Variants in TENT5D observed in about 807,000 individuals in gnomAD.
TENT5D encodes the protein cancer/testis antigen 112.
For synonymous variants in TENT5D, 103 were observed against 100.6 expected, an observed-to-expected ratio of 1.02 and a Z score of -0.15; for missense variants, 191 against 287.0, an observed-to-expected ratio of 0.67 and a Z score of 2.42.
intron 2 of TENT5D, among the ~76,000 whole-genome samples, chrX:80,339,340 C>T (rs1929912477): frequency 9.0e-6 from 1 of 111,429 alleles, no homozygotes; most frequent in Non-Finnish European, 1.9e-5. Flanking sequence ...AAGAAATAGA[C>T]TCAGTTTCCT....
chrX:80,408,341 T>G (rs1931552258), intron 3 of TENT5D, among the ~76,000 whole-genome samples: 1 of 109,177 alleles, frequency 9.2e-6, no homozygotes, highest in Non-Finnish European at 1.9e-5. Context: ...TCAACAAAAT[T>G]GATAGACCGC....
rs972877488 is a variant in TENT5D, at chrX:80,404,565, C to T, written c.-141-34045C>T. Among the ~76,000 whole-genome samples the T allele has an allele frequency of 8.9e-5, 10 of 111,760 alleles. No homozygotes were observed. The South Asian group carries it at 1.1e-3, about 13-fold the overall frequency. On this transcript the variant is annotated intron_variant, in intron 3 of 4. Coordinates refer to the TENT5D transcript ENST00000538312. Reference sequence around the variant, plus strand: ...CTGAACTAATTTTATCTCTTAAAATCGGCCCTTAAATCTCATGCACTCATC... The same window carrying T: ...CTGAACTAATTTTATCTCTTAAAATTGGCCCTTAAATCTCATGCACTCATC...
At chrX:80,344,194 C>T (rs768736640) in intron 3 of TENT5D, among the ~76,000 whole-genome samples, 6 of 109,676 alleles carry the variant, frequency 5.5e-5, no homozygotes, top group Admixed American at 4.9e-4. Flanking sequence ...TTATCTAGTC[C>T]GCCGTTGATG....
Position 80,442,778 on chromosome X carries a change from A to G in TENT5D, c.239A>G (p.Tyr80Cys), listed in dbSNP as rs375689010. ...CTTGCAAGCCACAATGGAATCAGCT[A>G]TAAGGATCTGGACGTTATTTTTGGT... The change falls in exon 3 of 3, where the codon TAT (tyrosine) becomes TGT (cysteine). Residue 80 changes from tyrosine (Y) to cysteine (C), a missense_variant. Coordinates refer to ENST00000308293, the Ensembl canonical transcript of TENT5D. The G allele has an allele frequency of 1.3e-5, 16 of 1,209,868 alleles. No individual in the cohort carries two copies. Among genetic ancestry groups the G allele is most frequent in the Admixed American group, 8.8e-5 (4 of 45,665 alleles).
intron 2 of TENT5D, among the ~76,000 whole-genome samples, chrX:80,439,576 G>T (rs1260898328): frequency 9.0e-6 from 1 of 110,859 alleles, no homozygotes; most frequent in Non-Finnish European, 1.9e-5. Context: ...TAATAACACT[G>T]CATTGATATT....
chrX:80,419,325 T>C (rs1171977328), upstream of TENT5D, among the ~76,000 whole-genome samples: 2 of 112,383 alleles, frequency 1.8e-5, no homozygotes, highest in East Asian at 5.6e-4. Flanking sequence ...ATTAGGATTA[T>C]AGTCTTAAAT....
At chrX:80,398,695 C>G (rs1931335021) in intron 3 of TENT5D, among the ~76,000 whole-genome samples, 1 of 110,385 alleles carries the variant, frequency 9.1e-6, no homozygotes, top group African/African-American at 3.3e-5. Flanking sequence ...TTCTTGGTAC[C>G]TTTGTCAAAG....
chrX:80,388,647 C>G lies in TENT5D; in HGVS notation c.-142+46083C>G, dbSNP rs923764142. On this transcript the variant is annotated intron_variant, in intron 3 of 4. Coordinates refer to the TENT5D transcript ENST00000538312. ...CAAAGTTCTATTTATTCTCCCCTCTCCTCCTCTCAAGGGGAAGGAACAAGT... is the reference window on the plus strand; with the variant it reads ...CAAAGTTCTATTTATTCTCCCCTCTGCTCCTCTCAAGGGGAAGGAACAAGT... 3.6e-5 allele frequency among the ~76,000 whole-genome samples: 4 copies of G among 111,873 alleles called. No individual in the cohort carries two copies. The South Asian group carries it at 1.5e-3, about 42-fold the overall frequency.
chrX:80,360,087 T>C (rs1294583148), intron 3 of TENT5D, among the ~76,000 whole-genome samples: 2 of 111,883 alleles, frequency 1.8e-5, no homozygotes, highest in Non-Finnish European at 3.8e-5. Flanking sequence ...ATGAGCGAGA[T>C]TGAGAAATCA....
intron 3 of TENT5D, among the ~76,000 whole-genome samples, chrX:80,413,036 T>G (rs1261611641): frequency 2.7e-5 from 3 of 111,530 alleles, no homozygotes; most frequent in African/African-American, 9.8e-5. Flanking sequence ...TAAACAAAGA[T>G]AATTCTCTTT....
intron 3 of TENT5D, among the ~76,000 whole-genome samples, chrX:80,355,414 G>C (rs1930263870): frequency 9.0e-6 from 1 of 111,620 alleles, no homozygotes; most frequent in African/African-American, 3.3e-5. Context: ...AGGTCCAGCA[G>C]CTAACAAGGG....
At chrX:80,389,804 C>CTTT (rs1931091581) in intron 3 of TENT5D, among the ~76,000 whole-genome samples, 1 of 111,839 alleles carries the variant, frequency 8.9e-6, no homozygotes, top group Non-Finnish European at 1.9e-5. Context: ...GGAGACAAGA[C>CTTT]ATATAGCTTA....
chrX:80,415,725 T>C (rs1268073404), upstream of TENT5D, among the ~76,000 whole-genome samples: 1 of 111,792 alleles, frequency 8.9e-6, no homozygotes, highest in Non-Finnish European at 1.9e-5. Flanking sequence ...TTTGCATCCA[T>C]GTTTATTAAG....
chrX:80,376,271 A>T (rs1930725660), intron 3 of TENT5D, among the ~76,000 whole-genome samples: 1 of 111,586 alleles, frequency 9.0e-6, no homozygotes, highest in Non-Finnish European at 1.9e-5. Context: ...AGTACTGAAA[A>T]GTTTCTGTAC....
intron 2 of TENT5D, among the ~76,000 whole-genome samples, chrX:80,339,578 G>A (rs1473978965): frequency 1.8e-5 from 2 of 110,500 alleles, no homozygotes; most frequent in African/African-American, 6.6e-5. Context: ...ATATTGTAGG[G>A]AACAGAAGCT....
At chrX:80,437,878 G>A (rs998661826) in intron 1 of TENT5D, among the ~76,000 whole-genome samples, 3 of 110,961 alleles carry the variant, frequency 2.7e-5, no homozygotes, top group African/African-American at 9.8e-5. Context: ...AGTTTCTAAA[G>A]TACAGGAATT....
chrX:80,376,981 A>G (rs1019534661), intron 3 of TENT5D, among the ~76,000 whole-genome samples: 2 of 111,125 alleles, frequency 1.8e-5, no homozygotes, highest in Non-Finnish European at 3.8e-5. Context: ...GATAATGACT[A>G]TTATAGGGGC....
chrX:80,396,854 G>T (rs1300429853), intron 3 of TENT5D, among the ~76,000 whole-genome samples: 10 of 95,985 alleles, frequency 1.0e-4, no homozygotes, highest in Non-Finnish European at 1.7e-4. Context: ...GGGCGGCCGG[G>T]CAGAGGCGCC....
At chrX:80,410,142 A>T (rs1196270180) in intron 3 of TENT5D, among the ~76,000 whole-genome samples, 13 of 107,708 alleles carry the variant, frequency 1.2e-4, no homozygotes, top group Admixed American at 1.1e-3. Context: ...TAAAAACCCT[A>T]GAAGAAAACC....
Sources: gnomAD v4.1 joint callset for allele counts (sites outside exome capture counted in the v4.1 genomes callset) on GRCh38, gnomAD v4.1.1 for gene constraint, MANE v1.5 for transcripts, NCBI Gene and HGNC (gene_info 2026-07-23, HGNC 2026-07-21) for gene names.